Variants in SCAF8 observed in about 807,000 individuals in gnomAD.
SCAF8 encodes SR-related and CTD-associated factor 8.
A neutral mutation model predicts 140.5 loss-of-function variants in SCAF8; 23 were observed. The ratio of observed to expected loss-of-function variants is 0.16; its 90% CI spans 0.12 to 0.23. SCAF8 has a LOEUF of 0.23. SCAF8 is among the 10% of genes least tolerant of loss of function. The probability of loss-of-function intolerance (pLI) is 1.00; values close to 1 mark genes in which losing one functional copy is unlikely to be tolerated. For synonymous variants in SCAF8, 575 were observed against 528.9 expected (o/e 1.09, Z -1.20); for missense variants, 1,397 against 1,555.7 (o/e 0.90, Z 1.72).
Position 154,805,356 on chromosome 6 carries a change from T to C in SCAF8, c.864-13T>C. 1 of 1,501,522 alleles carries C rather than the reference T, an allele frequency of 6.7e-7. No homozygotes were observed. 93.0% of individuals were successfully genotyped at this position (1,501,522 alleles called of 1,614,324 possible). On this transcript the variant is annotated splice_polypyrimidine_tract_variant and intron_variant, in intron 8 of 19. Coordinates refer to ENST00000367178, the MANE Select transcript of SCAF8 (RefSeq NM_014892.5). ...GGGTTTTAAAATATGTTTCCACCTG[T>C]TTTTCCTTTTAGTTCTCACGTTTCA...
chr6:154,736,371 A>T (rs1778421394), intron 1 of SCAF8, among the ~76,000 whole-genome samples: 1 of 150,782 alleles, frequency 6.6e-6, no homozygotes, highest in Non-Finnish European at 1.5e-5. Flanking sequence ...CCTGGGTTCA[A>T]GCAATTCTCC....
Position 154,733,679 on chromosome 6 carries a change from G to C in SCAF8, c.-222G>C. 1.5e-6 allele frequency: 2 copies of C among 1,292,698 alleles called. No homozygotes were observed. The highest frequency in any genetic ancestry group is 2.0e-6 in the Non-Finnish European group (2 of 1,023,156). 80.1% of individuals were successfully genotyped at this position (1,292,698 alleles called of 1,614,324 possible). A position where few individuals can be genotyped will look rare whatever the true frequency, so the allele number is the denominator to read the frequency against. ...CAGCGCCTCTGTTCCCTAGAACGGC[G>C]CTCCCCCCGCCCTAGCGGCCATGCC... On this transcript the variant is annotated 5_prime_UTR_variant, in exon 1 of 20. Transcript: ENST00000367178.
chr6:154,787,998 A>G lies in SCAF8; in HGVS notation c.297A>G (p.Leu99=), dbSNP rs149559791. ...SNNIISTFQN[L]YRCPGDDKSK... is the part of the protein sequence containing the mutation. ...ACATCATTAGCACTTTCCAGAATTTATATCGTTGCCCTGGGGATGACAAGG... is the reference window on the plus strand; with the variant it reads ...ACATCATTAGCACTTTCCAGAATTTGTATCGTTGCCCTGGGGATGACAAGG... Residue 99 remains leucine (L), a synonymous_variant, in exon 4 of 20, where the codon TTA becomes TTG. Coordinates refer to ENST00000367178, the MANE Select transcript of SCAF8 (RefSeq NM_014892.5). 2.4e-3 allele frequency: 3,940 copies of G among 1,609,754 alleles called. 4 individuals carry two copies. Among genetic ancestry groups the G allele is most frequent in the Middle Eastern group, 0.012 (75 of 6,048 alleles).
At chr6:154,759,345 G>C (rs1779043055) in intron 1 of SCAF8, among the ~76,000 whole-genome samples, 1 of 152,146 alleles carries the variant, frequency 6.6e-6, no homozygotes, top group Non-Finnish European at 1.5e-5. Context: ...TGAGTTTTTG[G>C]TTTTAGGGGA....
In SCAF8 at chr6:154,806,637, T is replaced by G. The variant is rs80064995; in HGVS notation, c.981+1151T>G. On this transcript the variant is annotated intron_variant, in intron 9 of 19. Coordinates refer to ENST00000367178, the MANE Select transcript of SCAF8 (RefSeq NM_014892.5). ...GAACAGTTATTTTAGATGGAAGAGA[T>G]AGCAAACTTGAGACATTGGGGTCTG... Among the ~76,000 whole-genome samples, 22 of 152,294 alleles carry G rather than the reference T, an allele frequency of 1.4e-4. No homozygotes were observed. In the East Asian group the frequency reaches 4.0e-3, roughly 28 times the overall value.
Position 154,833,282 on chromosome 6 carries a change from G to C in SCAF8, c.3703G>C (p.Glu1235Gln). The change falls in exon 20 of 20, where the codon GAA becomes CAA. Residue 1235 changes from glutamate to glutamine, a missense_variant. Around this residue, in one of 5 missense-constraint regions of SCAF8, gnomAD observed 930 missense variants for 874.6 expected, o/e 1.06. Transcript: ENST00000367178. ...ACCTATACCAGTACAGAATGATCCTGAACTTTATGAAAAACTGACATCTTC... is the reference window on the plus strand; with the variant it reads ...ACCTATACCAGTACAGAATGATCCTCAACTTTATGAAAAACTGACATCTTC... The part of the protein sequence containing the change: ...PPPIPVQNDP[E>Q]LYEKLTSSNE... 1.2e-6 allele frequency: 2 copies of C among 1,613,980 alleles called. No individual in the cohort carries two copies. The highest frequency in any genetic ancestry group is 8.5e-7 in the Non-Finnish European group (1 of 1,179,974).
intron 1 of SCAF8, among the ~76,000 whole-genome samples, chr6:154,769,485 A>G (rs1256703755): frequency 6.6e-6 from 1 of 152,226 alleles, no homozygotes; most frequent in Admixed American, 6.5e-5. Context: ...ATGTACTTTC[A>G]CATGGCTGAG....
chr6:154,805,564 T>TA (rs1208156495), intron 9 of SCAF8, 78 bp downstream of exon 9: 2 of 634,706 alleles, frequency 3.2e-6, no homozygotes, highest in East Asian at 5.7e-5. Flanking sequence ...GGGTTGGCTT[T>TA]TTTTTTTTTT....
At chr6:154,789,549 T>C (rs1321335366) in intron 4 of SCAF8, among the ~76,000 whole-genome samples, 1 of 150,412 alleles carries the variant, frequency 6.6e-6, no homozygotes, top group Non-Finnish European at 1.5e-5. Context: ...TTCTAATTTT[T>C]TTTTTTTTTT....
At chr6:154,793,434 T>C (rs943304154) in intron 5 of SCAF8, among the ~76,000 whole-genome samples, 3 of 151,764 alleles carry the variant, frequency 2.0e-5, no homozygotes, top group African/African-American at 7.3e-5. Context: ...TTTAAAAATT[T>C]TTTGAAATTT....
intron 5 of SCAF8, among the ~76,000 whole-genome samples, chr6:154,793,501 A>C (rs1002489657): frequency 2.6e-5 from 4 of 151,842 alleles, no homozygotes; most frequent in African/African-American, 9.6e-5. Flanking sequence ...TTTTTTCAAA[A>C]ATTTTTATGA....
At chr6:154,777,944 A>G in intron 2 of SCAF8, 57 bp from the exon 3 acceptor site, 1 of 1,077,414 alleles carries the variant, frequency 9.3e-7, no homozygotes, top group Non-Finnish European at 1.4e-6. Context: ...GTTAGCAGGA[A>G]ATTTCAATCT....
rs370564327 is a variant in SCAF8 at position 154,775,640 on chromosome 6, C to A, written c.114+1568C>A. Among the ~76,000 whole-genome samples, 64 of 152,198 alleles carry A rather than the reference C, an allele frequency of 4.2e-4. 3 individuals are homozygous for A. The South Asian group carries it at 0.013, about 32-fold the overall frequency. On this transcript the variant is annotated intron_variant, in intron 2 of 19. Transcript: ENST00000367178. Reference sequence around the variant, plus strand: ...GTCTAACTCTTTGGACACAGTGGGACACATCGTTAGTCCTAGCTGCTGGGT... The same window carrying A: ...GTCTAACTCTTTGGACACAGTGGGAAACATCGTTAGTCCTAGCTGCTGGGT...
At chr6:154,773,458 G>A (rs140657791) in intron 1 of SCAF8, among the ~76,000 whole-genome samples, 1 of 152,274 alleles carries the variant, frequency 6.6e-6, no homozygotes, top group African/African-American at 2.4e-5. Context: ...AGATATTTGG[G>A]TGTCTGCTTT....
In SCAF8 at chr6:154,822,261, A is replaced by G; in HGVS notation, c.1793-15A>G. The stretch of plus-strand genomic sequence containing the variant: ...CACCTATCCAAAGGAAATCAATTTC[A>G]ACTATTTTGTTTAGAGTGGGAAACT... On this transcript the variant is annotated splice_polypyrimidine_tract_variant and intron_variant, in intron 15 of 19. Transcript: ENST00000367178. The G allele has an allele frequency of 1.3e-6, 2 of 1,589,208 alleles. No homozygotes were observed. Among genetic ancestry groups the G allele is most frequent in the African/African-American group, 1.4e-5 (1 of 73,604 alleles).
chr6:154,805,272 TATTGA>T, intron 8 of SCAF8, 92 bp from the exon 9 acceptor site: 1 of 658,982 alleles, frequency 1.5e-6, no homozygotes, highest in South Asian at 2.2e-5. Flanking sequence ...GAATATGTTT[TATTGA>T]ATTGACTTTT....
chr6:154,807,840 A>G (rs922782535), intron 9 of SCAF8, among the ~76,000 whole-genome samples: 1 of 152,164 alleles, frequency 6.6e-6, no homozygotes, highest in African/African-American at 2.4e-5. Context: ...TACCATTTTA[A>G]TATTTTAGTC....
At chr6:154,811,189 C>G (rs1467801356) in intron 12 of SCAF8, among the ~76,000 whole-genome samples, 2 of 152,114 alleles carry the variant, frequency 1.3e-5, no homozygotes, top group African/African-American at 4.8e-5. Flanking sequence ...TGGTATACAT[C>G]TAAACATTTT....
At chr6:154,759,339 T>C (rs569063372) in intron 1 of SCAF8, among the ~76,000 whole-genome samples, 1 of 152,188 alleles carries the variant, frequency 6.6e-6, no homozygotes, top group South Asian at 2.1e-4. Flanking sequence ...TGCAGATGAG[T>C]TTTTGGTTTT....
Sources: gnomAD v4.1 joint callset for allele counts (sites outside exome capture counted in the v4.1 genomes callset) on GRCh38, gnomAD v4.1.1 for gene constraint, gnomAD v4.1.1 regional missense constraint, MANE v1.5 for transcripts, NCBI Gene and HGNC (gene_info 2026-07-23, HGNC 2026-07-21) for gene names.